The following CCDC102B variants were observed in gnomAD, a reference collection of about 807,000 sequenced individuals.
The protein encoded by CCDC102B is coiled-coil domain-containing protein 102B.
A neutral mutation model predicts 57.4 loss-of-function variants in CCDC102B; 75 were observed. The observed-to-expected ratio is 1.31, with a 90% CI of 1.08 to 1.58. The LOEUF is 1.58. CCDC102B is among the 40% of genes most tolerant of loss of function. The pLI is 0.00. For synonymous variants in CCDC102B, 206 were observed against 201.9 expected, an observed-to-expected ratio of 1.02 and a Z score of -0.17; for missense variants, 636 against 582.6, an observed-to-expected ratio of 1.09 and a Z score of -0.94.
At chr18:68,910,080 G>A (rs1326390916) in intron 6 of CCDC102B, among the ~76,000 whole-genome samples, 2 of 152,086 alleles carry the variant, frequency 1.3e-5, no homozygotes, top group Admixed American at 6.6e-5. Flanking sequence ...TTTGAGGCCC[G>A]GTCAAATCAT....
intron 6 of CCDC102B, among the ~76,000 whole-genome samples, chr18:69,001,594 G>T (rs1050477989): frequency 1.3e-5 from 2 of 152,118 alleles, no homozygotes; most frequent in South Asian, 2.1e-4. Flanking sequence ...GAAGAGAAGG[G>T]GCCAGGTTCC....
At chr18:68,871,671 A>T (rs1158378335) in intron 4 of CCDC102B, among the ~76,000 whole-genome samples, 1 of 152,108 alleles carries the variant, frequency 6.6e-6, no homozygotes, top group Non-Finnish European at 1.5e-5. Context: ...TGCCTAGAGT[A>T]TACAAGTAAC....
intron 2 of CCDC102B, among the ~76,000 whole-genome samples, chr18:68,756,884 T>C (rs1374383754): frequency 6.7e-6 from 1 of 149,114 alleles, no homozygotes; most frequent in African/African-American, 2.5e-5. Context: ...ATATCTGGTG[T>C]GTGTGTGTGT....
chr18:68,967,901 A>G (rs1239094117), intron 6 of CCDC102B, among the ~76,000 whole-genome samples: 4 of 152,146 alleles, frequency 2.6e-5, no homozygotes, highest in Non-Finnish European at 5.9e-5. Context: ...ATAATTGAAA[A>G]TGAGATATTA....
intron 2 of CCDC102B, among the ~76,000 whole-genome samples, chr18:68,772,906 A>G (rs1267542847): frequency 1.3e-5 from 2 of 152,084 alleles, no homozygotes; most frequent in Admixed American, 6.6e-5. Context: ...CATGAAAACT[A>G]TGAGAAGAGA....
chr18:68,862,177 C>G (rs934632525), intron 4 of CCDC102B, among the ~76,000 whole-genome samples: 2 of 152,132 alleles, frequency 1.3e-5, no homozygotes, highest in African/African-American at 4.8e-5. Context: ...GATCAATATT[C>G]TGTGCAAGTC....
intron 4 of CCDC102B, chr18:68,866,842 G>A: frequency 2.9e-6 from 2 of 692,426 alleles, no homozygotes; most frequent in Admixed American, 3.6e-5. Flanking sequence ...CCTGTGTCTG[G>A]GGCCAGCACT....
chr18:68,862,436 A>T (rs571689976), intron 4 of CCDC102B, among the ~76,000 whole-genome samples: 17 of 152,154 alleles, frequency 1.1e-4, no homozygotes, highest in Non-Finnish European at 2.9e-5. Context: ...AACCATTTGA[A>T]TCATTTATAA....
At chr18:69,003,267 C>G (rs2145366503) in intron 6 of CCDC102B, among the ~76,000 whole-genome samples, 1 of 152,132 alleles carries the variant, frequency 6.6e-6, no homozygotes, top group South Asian at 2.1e-4. Context: ...CTTGTTTAAA[C>G]TATGTCTTTT....
chr18:68,867,709 C>A (rs1474300813), intron 4 of CCDC102B, among the ~76,000 whole-genome samples: 2 of 151,818 alleles, frequency 1.3e-5, no homozygotes, highest in Admixed American at 1.3e-4. Flanking sequence ...CCGAGGCGGG[C>A]GGATCACAAG....
At chr18:68,788,079 G>A (rs1404445702) in intron 2 of CCDC102B, among the ~76,000 whole-genome samples, 43 of 151,596 alleles carry the variant, frequency 2.8e-4, no homozygotes, top group African/African-American at 8.7e-4. Flanking sequence ...CCTTCATTTC[G>A]TTATGTACCC....
At chr18:69,000,125 T>G (rs1308034519) in intron 6 of CCDC102B, among the ~76,000 whole-genome samples, 6 of 152,178 alleles carry the variant, frequency 3.9e-5, no homozygotes, top group Admixed American at 2.6e-4. Context: ...GATCAAAGCA[T>G]AAGAGGATAG....
intron 5 of CCDC102B, among the ~76,000 whole-genome samples, chr18:68,890,491 T>G (rs2040035826): frequency 6.6e-6 from 1 of 152,182 alleles, no homozygotes; most frequent in Non-Finnish European, 1.5e-5. Flanking sequence ...TACCAAATTT[T>G]GGGGATTATA....
intron 7 of CCDC102B, among the ~76,000 whole-genome samples, chr18:69,018,421 C>A (rs190355659): frequency 7.9e-5 from 12 of 152,266 alleles, no homozygotes; most frequent in African/African-American, 2.9e-4. Context: ...CTTTTCTCTA[C>A]ATCTTCACCA....
intron 6 of CCDC102B, among the ~76,000 whole-genome samples, chr18:68,999,594 A>C (rs1013862221): frequency 6.6e-6 from 1 of 152,090 alleles, no homozygotes; most frequent in Non-Finnish European, 1.5e-5. Flanking sequence ...TGACAGAGCA[A>C]GATTCTGGTT....
intron 2 of CCDC102B, chr18:68,754,139 C>G (rs1488931927): frequency 6.7e-6 from 1 of 149,934 alleles, no homozygotes; most frequent in African/African-American, 2.4e-5. Context: ...ATTTATTTCA[C>G]AAAATATTTG....
At chr18:68,784,629 A>T (rs541370040) in intron 2 of CCDC102B, among the ~76,000 whole-genome samples, 1 of 152,304 alleles carries the variant, frequency 6.6e-6, no homozygotes, top group South Asian at 2.1e-4. Flanking sequence ...CCACTCAATC[A>T]TTATTTATAT....
chr18:69,012,866 C>G (rs1298568343), intron 7 of CCDC102B, among the ~76,000 whole-genome samples: 1 of 152,040 alleles, frequency 6.6e-6, no homozygotes, highest in Non-Finnish European at 1.5e-5. Flanking sequence ...TTGAAGCTGA[C>G]TGGTATGGTC....
intron 4 of CCDC102B, among the ~76,000 whole-genome samples, chr18:68,849,669 A>G (rs1399000118): frequency 1.3e-5 from 2 of 152,150 alleles, no homozygotes; most frequent in East Asian, 1.9e-4. Context: ...CTGCCTTCCA[A>G]GTAATTCAGC....
Sources: gnomAD v4.1 joint callset for allele counts (sites outside exome capture counted in the v4.1 genomes callset) on GRCh38, gnomAD v4.1.1 for gene constraint, MANE v1.5 for transcripts, NCBI Gene and HGNC (gene_info 2026-07-23, HGNC 2026-07-21) for gene names.